MS4A10: variants seen among roughly 807,000 people sequenced by gnomAD.
MS4A10 encodes the protein membrane spanning 4-domains A10, also known as membrane-spanning 4-domains subfamily A member 10.
MS4A10 carries 27 observed loss-of-function variants against 27.7 expected under a neutral mutation model. That is an observed-to-expected ratio of 0.98 (90% CI 0.72 to 1.35). The LOEUF is 1.35. Among genes scored for constraint, MS4A10 ranks in the 40% most tolerant of loss-of-function variants. The pLI, the probability that MS4A10 is intolerant of heterozygous loss-of-function variation, is 0.00. For synonymous variants in MS4A10, 139 were observed against 131.2 expected (o/e 1.06, Z -0.41); for missense variants, 338 against 324.7 (o/e 1.04, Z -0.32).
rs1854444574 is a variant in MS4A10 at position 60,792,308 on chromosome 11, C to T, written c.347C>T (p.Ser116Phe). The stretch of plus-strand genomic sequence containing the variant: ...TTGGCGATAACAATGAAGACCTTTT[C>T]TAAAACTTACCTGGTGAGTGGGCAC... ...GILAITMKTF[S>F]KTYLKMLCLM... The change falls in exon 4 of 8, where the codon TCT becomes TTT. Residue 116 changes from serine (S) to phenylalanine (F), a missense_variant. By Grantham distance (155) the Ser-to-Phe change is radical. Transcript: ENST00000308287. The T allele has an allele frequency of 6.2e-7, 1 of 1,611,504 alleles. No homozygotes were observed. Among genetic ancestry groups the T allele is most frequent in the Admixed American group, 1.7e-5 (1 of 59,990 alleles).
intron 1 of MS4A10, 108 bp downstream of exon 1, chr11:60,785,529 G>C (rs543154551): frequency 1.3e-5 from 2 of 152,242 alleles, no homozygotes; most frequent in South Asian, 4.1e-4. Flanking sequence ...GAAGCCAGGG[G>C]ACCGGCCTCT....
At chr11:60,790,936 G>C in intron 2 of MS4A10, 38 bp from the exon 3 acceptor site, 1 of 1,611,512 alleles carries the variant, frequency 6.2e-7, no homozygotes, top group Non-Finnish European at 8.5e-7. Context: ...GCCAGTGACC[G>C]ATGCCCTCAC....
chr11:60,786,342 C>T lies in MS4A10; in HGVS notation c.-23+921C>T, dbSNP rs187899468. On this transcript the variant is annotated intron_variant, in intron 1 of 7. Transcript: ENST00000308287. ...GGACACATCTTACTCACTCCTGCCT[C>T]GGTCCCTGCAGTGTCCAGTGCAGAA... Among the ~76,000 whole-genome samples the T allele has an allele frequency of 2.4e-4, 36 of 152,206 alleles. 1 individual carries two copies. The East Asian group carries it at 4.5e-3, about 19-fold the overall frequency.
chr11:60,799,918 T>G lies in MS4A10; in HGVS notation c.*9T>G. ...CCCAGACTGCAAACTGAAGAGCCACTGCCTGACAATGCCCAAACTTGGTTG... is the reference window on the plus strand; with the variant it reads ...CCCAGACTGCAAACTGAAGAGCCACGGCCTGACAATGCCCAAACTTGGTTG... On this transcript the variant is annotated 3_prime_UTR_variant, in exon 8 of 8. Coordinates refer to ENST00000308287, the MANE Select transcript of MS4A10 (RefSeq NM_206893.4). 1 of 1,614,240 alleles carries G rather than the reference T, an allele frequency of 6.2e-7. No homozygotes were observed. The highest frequency in any genetic ancestry group is 1.1e-5 in the South Asian group (1 of 91,086).
chr11:60,796,290 C>T (rs904651889), intron 6 of MS4A10, among the ~76,000 whole-genome samples: 1 of 151,920 alleles, frequency 6.6e-6, no homozygotes, highest in African/African-American at 2.4e-5. Flanking sequence ...CTCAATAACC[C>T]TTTTTCTTTT....
chr11:60,787,492 G>A (rs1317740135), intron 1 of MS4A10, among the ~76,000 whole-genome samples: 2 of 151,860 alleles, frequency 1.3e-5, no homozygotes, highest in Non-Finnish European at 2.9e-5. Context: ...ATTCCTTGTA[G>A]CGGCTCTCTA....
chr11:60,788,673 C>T (rs972517654), intron 1 of MS4A10, among the ~76,000 whole-genome samples: 1 of 152,250 alleles, frequency 6.6e-6, no homozygotes, highest in Admixed American at 6.5e-5. Flanking sequence ...AGCACTGTGT[C>T]TATGAGCTCA....
chr11:60,793,814 G>A (rs1854471814), intron 4 of MS4A10, among the ~76,000 whole-genome samples, 158 bp from the exon 5 acceptor site: 1 of 152,220 alleles, frequency 6.6e-6, no homozygotes, highest in African/African-American at 2.4e-5. Context: ...CTGTGTGAGG[G>A]GCTGAGGGGC....
chr11:60,787,334 G>A (rs1854356930), intron 1 of MS4A10, among the ~76,000 whole-genome samples: 1 of 152,168 alleles, frequency 6.6e-6, no homozygotes, highest in South Asian at 2.1e-4. Flanking sequence ...TCCTGGAAGT[G>A]GGCCAGGACA....
chr11:60,790,943 T>C (rs778985707), intron 2 of MS4A10, 31 bp from the exon 3 acceptor site: 1 of 1,612,898 alleles, frequency 6.2e-7, no homozygotes, highest in South Asian at 1.1e-5. Flanking sequence ...ACCGATGCCC[T>C]CACCCCAGCC....
intron 6 of MS4A10, among the ~76,000 whole-genome samples, chr11:60,798,088 GC>G (rs936541707): frequency 3.9e-5 from 6 of 152,314 alleles, no homozygotes; most frequent in African/African-American, 1.4e-4. Flanking sequence ...TCATGGCCCA[GC>G]CCCCCTCAGG....
intron 1 of MS4A10, 80 bp from the exon 2 acceptor site, chr11:60,790,234 G>A (rs1414287108): frequency 2.7e-5 from 33 of 1,207,000 alleles, no homozygotes; most frequent in Non-Finnish European, 3.9e-5. Context: ...CCCTTAAACA[G>A]AGGTGATTGG....
chr11:60,789,261 C>T (rs1349208260), intron 1 of MS4A10, among the ~76,000 whole-genome samples: 2 of 152,174 alleles, frequency 1.3e-5, no homozygotes, highest in African/African-American at 4.8e-5. Context: ...AGGATTTGCT[C>T]ATTAGCCCCA....
chr11:60,793,823 G>T, intron 4 of MS4A10, 149 bp from the exon 5 acceptor site: 1 of 841,468 alleles, frequency 1.2e-6, no homozygotes, highest in Non-Finnish European at 1.9e-6. Context: ...GGGCTGAGGG[G>T]CCAGTGACAG....
chr11:60,790,962 T>C lies in MS4A10; in HGVS notation c.184-12T>C. On this transcript the variant is annotated splice_polypyrimidine_tract_variant and intron_variant, in intron 2 of 7. Coordinates refer to ENST00000308287, the MANE Select transcript of MS4A10 (RefSeq NM_206893.4). Reference sequence around the variant, plus strand: ...ATGCCCTCACCCCAGCCATTCTCTCTTCCCCACCCAGGCCTTCCACATCAC... The same window carrying C: ...ATGCCCTCACCCCAGCCATTCTCTCCTCCCCACCCAGGCCTTCCACATCAC... The C allele has an allele frequency of 6.2e-7, 1 of 1,613,790 alleles. No individual in the cohort carries two copies. The highest frequency in any genetic ancestry group is 8.5e-7 in the Non-Finnish European group (1 of 1,179,822).
At position 60,786,187 on chromosome 11, in the gene MS4A10, ACG is replaced by A. The variant is rs753636704; in HGVS notation, c.-23+768_-23+769del. Among the ~76,000 whole-genome samples, 794 of 138,406 alleles carry A rather than the reference ACG, an allele frequency of 5.7e-3. 16 individuals carry two copies. Among genetic ancestry groups the A allele is most frequent in the African/African-American group, 0.021 (738 of 35,648 alleles). 90.8% of individuals were successfully genotyped at this position (138,406 alleles called of 152,430 possible). On this transcript the variant is annotated intron_variant, in intron 1 of 7. Transcript: ENST00000308287. ...TGCACACACATGCACACACACACAC[ACG>A]CACACACACACACACACACACACCC...
At chr11:60,794,407 A>T (rs1298713463) in intron 5 of MS4A10, among the ~76,000 whole-genome samples, 2 of 152,208 alleles carry the variant, frequency 1.3e-5, no homozygotes, top group African/African-American at 4.8e-5. Flanking sequence ...CCACAGCCTA[A>T]AACTGCTGAT....
intron 1 of MS4A10, among the ~76,000 whole-genome samples, chr11:60,789,697 T>C (rs1279079024): frequency 2.0e-5 from 3 of 152,202 alleles, no homozygotes; most frequent in Non-Finnish European, 4.4e-5. Context: ...ATTTACCTCA[T>C]AGGGTTGGAA....
At position 60,800,456 on chromosome 11, in the gene MS4A10, T is replaced by A. The variant is rs1180767206; in HGVS notation, c.*547T>A. The A allele has an allele frequency of 6.5e-6, 1 of 154,072 alleles. No individual in the cohort carries two copies. Among genetic ancestry groups the A allele is most frequent in the African/African-American group, 2.4e-5 (1 of 41,458 alleles). 9.5% of individuals were successfully genotyped at this position (154,072 alleles called of 1,614,324 possible). A position where few individuals can be genotyped will look rare whatever the true frequency, so the allele number is the denominator to read the frequency against. ...GTGAGCCACTGTGCCCAGCCCAGGT[T>A]TTGAAGTTGTCCGAGATAGCAGTCT... On this transcript the variant is annotated 3_prime_UTR_variant, in exon 8 of 8. Transcript: ENST00000308287.
Sources: allele counts gnomAD v4.1 joint callset (sites outside exome capture counted in the v4.1 genomes callset), GRCh38; gene constraint gnomAD v4.1.1; transcripts MANE v1.5; gene names NCBI Gene and HGNC (gene_info 2026-07-23, HGNC 2026-07-21).